CECR2: variants seen among roughly 807,000 people sequenced by gnomAD.
CECR2 encodes CECR2 histone acetyl-lysine reader, also known as chromatin remodeling regulator CECR2.
CECR2 carries 30 observed loss-of-function variants against 154.5 expected under a neutral mutation model. That is an observed-to-expected ratio of 0.19 (90% CI 0.15 to 0.26). The LOEUF is 0.26. CECR2 is among the 10% of genes least tolerant of loss of function. The pLI is 1.00. For missense variants in CECR2, 1,743 were observed against 1,829.3 expected (o/e 0.95, Z 0.86); for synonymous variants, 725 against 683.7 (o/e 1.06, Z -0.94).
At chr22:17,367,101 C>G (rs745449560), upstream of CECR2, among the ~76,000 whole-genome samples, 4 of 152,168 alleles carry the variant, frequency 2.6e-5, no homozygotes, top group Admixed American at 2.6e-4. Flanking sequence ...GCGTGCCGTT[C>G]CCGGACAGTC....
chr22:17,501,122 A>T (rs2055730010), intron 5 of CECR2, among the ~76,000 whole-genome samples: 1 of 152,202 alleles, frequency 6.6e-6, no homozygotes, highest in African/African-American at 2.4e-5. Flanking sequence ...GGACTTTTCA[A>T]AATCTGACCT....
At chr22:17,378,141 G>A (rs1248241425) in intron 1 of CECR2, among the ~76,000 whole-genome samples, 16 of 150,680 alleles carry the variant, frequency 1.1e-4, no homozygotes, top group East Asian at 3.9e-4. Flanking sequence ...CCACCACCAC[G>A]CCCGGCTAAT....
chr22:17,470,402 A>AG (rs1447838030), intron 1 of CECR2, among the ~76,000 whole-genome samples: 1 of 151,480 alleles, frequency 6.6e-6, no homozygotes, highest in Non-Finnish European at 1.5e-5. Flanking sequence ...CAAAAAAAAA[A>AG]AAAAAAGAAA....
chr22:17,431,579 CT>C (rs2054423362), intron 1 of CECR2, among the ~76,000 whole-genome samples: 1 of 151,936 alleles, frequency 6.6e-6, no homozygotes, highest in African/African-American at 2.4e-5. Flanking sequence ...CAGTTCCTTG[CT>C]TTTATATACT....
chr22:17,370,073 G>C (rs1307078048), intron 1 of CECR2, among the ~76,000 whole-genome samples, 164 bp downstream of exon 1: 1 of 151,230 alleles, frequency 6.6e-6, no homozygotes, highest in Admixed American at 6.6e-5. Context: ...GCGGGCGGGG[G>C]CCGCCGGGCT....
chr22:17,539,789 C>T (rs2056493099), intron 13 of CECR2, among the ~76,000 whole-genome samples: 1 of 152,108 alleles, frequency 6.6e-6, no homozygotes, highest in African/African-American at 2.4e-5. Flanking sequence ...TTTAGTATTT[C>T]TGCAGTTTAG....
intron 2 of CECR2, among the ~76,000 whole-genome samples, chr22:17,479,444 C>G (rs996999997): frequency 6.6e-6 from 1 of 152,136 alleles, no homozygotes; most frequent in African/African-American, 2.4e-5. Context: ...TATGTAATTA[C>G]AACAGTAAGT....
intron 1 of CECR2, among the ~76,000 whole-genome samples, chr22:17,444,917 C>G (rs2054636051): frequency 1.3e-5 from 2 of 152,112 alleles, no homozygotes; most frequent in African/African-American, 4.8e-5. Context: ...GATCGCTAAA[C>G]CAAAAAGAAT....
At chr22:17,414,366 G>T (rs913498139) in intron 1 of CECR2, among the ~76,000 whole-genome samples, 1 of 151,962 alleles carries the variant, frequency 6.6e-6, no homozygotes, top group Non-Finnish European at 1.5e-5. Context: ...ATTACTGATT[G>T]TGAATTCCCT....
At chr22:17,454,895 C>A (rs1251286416) in intron 1 of CECR2, among the ~76,000 whole-genome samples, 1 of 152,168 alleles carries the variant, frequency 6.6e-6, no homozygotes, top group Non-Finnish European at 1.5e-5. Flanking sequence ...TTTATACTTT[C>A]TGCAGAAAGG....
intron 1 of CECR2, among the ~76,000 whole-genome samples, chr22:17,361,779 G>T (rs2062979203): frequency 1.3e-5 from 2 of 151,768 alleles, no homozygotes; most frequent in Non-Finnish European, 2.9e-5. Context: ...AGAGTGACTG[G>T]TGTTTTCTGT....
At chr22:17,439,205 T>G (rs1280263468) in intron 1 of CECR2, among the ~76,000 whole-genome samples, 1 of 151,668 alleles carries the variant, frequency 6.6e-6, no homozygotes, top group Non-Finnish European at 1.5e-5. Context: ...TAGCTAGTAT[T>G]GGCAATTTTT....
chr22:17,478,737 T>C (rs2055254524), intron 2 of CECR2, among the ~76,000 whole-genome samples: 1 of 152,154 alleles, frequency 6.6e-6, no homozygotes, highest in Non-Finnish European at 1.5e-5. Flanking sequence ...AATAAAGTTG[T>C]AGACAAGGTA....
chr22:17,541,752 A>G, intron 14 of CECR2, 87 bp from the exon 15 acceptor site: 1 of 1,466,336 alleles, frequency 6.8e-7, no homozygotes, highest in Non-Finnish European at 9.2e-7. Context: ...TTTTAGTAGA[A>G]CGTTCATCTT....
chr22:17,532,730 T>TTTTTTG, intron 9 of CECR2, among the ~76,000 whole-genome samples: 1 of 117,558 alleles, frequency 8.5e-6, no homozygotes, highest in Non-Finnish European at 1.8e-5. Context: ...TTTTTTTTTT[T>TTTTTTG]TTTTTGAGAT....
chr22:17,405,740 C>T (rs1230812199), intron 1 of CECR2, among the ~76,000 whole-genome samples: 2 of 151,948 alleles, frequency 1.3e-5, no homozygotes, highest in Non-Finnish European at 2.9e-5. Flanking sequence ...TCCTAAACTC[C>T]CCCCTTTTAG....
intron 8 of CECR2, among the ~76,000 whole-genome samples, chr22:17,519,249 C>T (rs948632845): frequency 2.6e-5 from 4 of 151,542 alleles, no homozygotes; most frequent in African/African-American, 9.7e-5. Flanking sequence ...ACTGCTCCTC[C>T]ACCTCACACC....
intron 1 of CECR2, among the ~76,000 whole-genome samples, chr22:17,424,988 A>G (rs1208887338): frequency 1.3e-5 from 2 of 152,258 alleles, no homozygotes; most frequent in Admixed American, 1.3e-4. Flanking sequence ...TCAGAATGAT[A>G]TAATCTAATA....
chr22:17,381,351 G>C (rs2063186415), intron 1 of CECR2, among the ~76,000 whole-genome samples: 1 of 151,728 alleles, frequency 6.6e-6, no homozygotes, highest in Non-Finnish European at 1.5e-5. Context: ...GAGGATGCTT[G>C]TGACACGTAA....
Sources: gnomAD v4.1 joint callset for allele counts (sites outside exome capture counted in the v4.1 genomes callset) on GRCh38, gnomAD v4.1.1 for gene constraint, MANE v1.5 for transcripts, NCBI Gene and HGNC (gene_info 2026-07-23, HGNC 2026-07-21) for gene names.